The following CAMK1D variants were observed in gnomAD, a reference collection of about 807,000 sequenced individuals.
CAMK1D encodes the protein calcium/calmodulin-dependent protein kinase type 1D.
Under a neutral mutation model 47.7 loss-of-function variants are expected in CAMK1D, and 9 were observed. The observed-to-expected ratio is 0.19, with a 90% CI of 0.11 to 0.33. The LOEUF is 0.33. CAMK1D is among the 10% of genes least tolerant of loss of function. The pLI is 1.00. For synonymous variants in CAMK1D, 184 were observed against 184.9 expected (o/e 0.99, Z 0.04); for missense variants, 291 against 488.7 (o/e 0.60, Z 3.81).
chr10:12,782,543 A>G (rs939816713), intron 5 of CAMK1D, among the ~76,000 whole-genome samples: 9 of 152,188 alleles, frequency 5.9e-5, no homozygotes, highest in African/African-American at 2.2e-4. Context: ...GTTTGAGAGA[A>G]ATCTTCTCGT....
intron 3 of CAMK1D, among the ~76,000 whole-genome samples, chr10:12,670,258 C>T (rs990854504): frequency 9.3e-5 from 14 of 150,262 alleles, no homozygotes; most frequent in Non-Finnish European, 4.4e-5. Context: ...TTTTAATTTG[C>T]ATGTCTCGAT....
chr10:12,378,814 C>CTT (rs11291856), intron 1 of CAMK1D, among the ~76,000 whole-genome samples: 1 of 122,812 alleles, frequency 8.1e-6, no homozygotes, highest in African/African-American at 2.9e-5. Context: ...TTTTTCTTTT[C>CTT]TTTTTTTTTT....
At chr10:12,635,556 A>C (rs547929391) in intron 2 of CAMK1D, among the ~76,000 whole-genome samples, 1 of 152,052 alleles carries the variant, frequency 6.6e-6, no homozygotes, top group East Asian at 1.9e-4. Flanking sequence ...TAGAAGAGAG[A>C]AGGGACCCAC....
At chr10:12,600,657 A>T (rs1461820368) in intron 2 of CAMK1D, among the ~76,000 whole-genome samples, 1 of 152,204 alleles carries the variant, frequency 6.6e-6, no homozygotes, top group East Asian at 1.9e-4. Flanking sequence ...TAAGGAGTAC[A>T]AGTACAGTTT....
chr10:12,573,956 G>T (rs1837411680), intron 2 of CAMK1D, among the ~76,000 whole-genome samples: 3 of 147,004 alleles, frequency 2.0e-5, no homozygotes, highest in Admixed American at 7.1e-5. Context: ...GATCGCAGGT[G>T]TGAGCCACTG....
chr10:12,577,250 C>G (rs377628361), intron 2 of CAMK1D, among the ~76,000 whole-genome samples: 2 of 152,260 alleles, frequency 1.3e-5, no homozygotes, highest in South Asian at 4.1e-4. Context: ...TGTATGTCGC[C>G]GTGTTGGGTT....
chr10:12,645,889 C>A (rs565202255), intron 2 of CAMK1D, among the ~76,000 whole-genome samples: 1 of 151,972 alleles, frequency 6.6e-6, no homozygotes, highest in African/African-American at 2.4e-5. Context: ...AATTTCTCTT[C>A]TTTCACCGTG....
chr10:12,802,531 T>C (rs918971087), intron 6 of CAMK1D, among the ~76,000 whole-genome samples: 1 of 152,036 alleles, frequency 6.6e-6, no homozygotes, highest in African/African-American at 2.4e-5. Flanking sequence ...CATTTCTTTC[T>C]TTTTTTTGAG....
At chr10:12,699,327 A>G (rs1172502933) in intron 3 of CAMK1D, among the ~76,000 whole-genome samples, 1 of 152,082 alleles carries the variant, frequency 6.6e-6, no homozygotes, top group Admixed American at 6.6e-5. Context: ...GACCTCTTCT[A>G]CTTCTTGGTA....
At chr10:12,694,864 T>C (rs896055817) in intron 3 of CAMK1D, among the ~76,000 whole-genome samples, 2 of 151,912 alleles carry the variant, frequency 1.3e-5, no homozygotes, top group African/African-American at 4.8e-5. Context: ...GTCAAAGTAT[T>C]ACAAAGAAAC....
chr10:12,452,284 TATTTATATTG>T (rs1833106622), intron 1 of CAMK1D, among the ~76,000 whole-genome samples: 1 of 152,130 alleles, frequency 6.6e-6, no homozygotes, highest in South Asian at 2.1e-4. Flanking sequence ...TTTATACAAT[TATTTATATTG>T]ATTTATATTG....
rs747895244 is a variant in CAMK1D, at chr10:12,546,106, C to T, written c.93-7119C>T. On this transcript the variant is annotated intron_variant, in intron 1 of 10. Coordinates refer to ENST00000619168, the MANE Select transcript of CAMK1D (RefSeq NM_153498.4). ...AGGGATTTGAACTCGATCCCATAGA[C>T]ATGAAACCTCAAAGATTTAAGTAGG... 1.1e-3 allele frequency among the ~76,000 whole-genome samples: 162 copies of T among 152,170 alleles called. 1 individual carries two copies. Among genetic ancestry groups the T allele is most frequent in the Non-Finnish European group, 9.0e-4 (61 of 68,044 alleles).
chr10:12,749,437 G>C (rs1252809471), intron 3 of CAMK1D, among the ~76,000 whole-genome samples: 2 of 70,472 alleles, frequency 2.8e-5, no homozygotes, highest in African/African-American at 1.1e-4. Flanking sequence ...GTAGGTGCTA[G>C]AAAGTTAAAA....
chr10:12,797,672 C>T (rs1219309949), intron 6 of CAMK1D, among the ~76,000 whole-genome samples: 2 of 152,124 alleles, frequency 1.3e-5, no homozygotes, highest in Non-Finnish European at 2.9e-5. Flanking sequence ...GATTGCATTT[C>T]GGTTTGGCTG....
chr10:12,526,367 C>T (rs191393388), intron 1 of CAMK1D, among the ~76,000 whole-genome samples: 5 of 152,282 alleles, frequency 3.3e-5, no homozygotes, highest in East Asian at 1.9e-4. Flanking sequence ...GTGTGTTTTA[C>T]GCATGAGCAT....
chr10:12,620,616 G>A (rs553051250), intron 2 of CAMK1D, among the ~76,000 whole-genome samples: 41 of 152,314 alleles, frequency 2.7e-4, no homozygotes, highest in African/African-American at 9.9e-4. Flanking sequence ...TATCTGGGTT[G>A]TTCACTTTTT....
chr10:12,375,374 A>G (rs1010288660), intron 1 of CAMK1D, among the ~76,000 whole-genome samples: 1 of 152,190 alleles, frequency 6.6e-6, no homozygotes, highest in Admixed American at 6.5e-5. Context: ...TTTCGTCTCT[A>G]TAAATCATCC....
At chr10:12,474,199 C>CT (rs35554522) in intron 1 of CAMK1D, among the ~76,000 whole-genome samples, 61,698 of 119,226 alleles carry the variant, frequency 0.52, 17,259 homozygotes, top group Non-Finnish European at 0.62. Context: ...GAGGATCGTT[C>CT]TTTTTTTTTT....
intron 2 of CAMK1D, among the ~76,000 whole-genome samples, chr10:12,610,432 C>G (rs1838586083): frequency 6.6e-6 from 1 of 152,232 alleles, no homozygotes. Context: ...TCTCCTCCCC[C>G]TTCTCAGCAG....
Sources: allele counts gnomAD v4.1 joint callset (sites outside exome capture counted in the v4.1 genomes callset), GRCh38; gene constraint gnomAD v4.1.1; transcripts MANE v1.5; gene names NCBI Gene and HGNC (gene_info 2026-07-23, HGNC 2026-07-21).